Variants in RPAP3 observed in about 807,000 individuals in gnomAD.
RPAP3 encodes RNA polymerase II-associated protein 3.
In RPAP3, 58 loss-of-function variants were observed where a neutral mutation model predicts 88.8. That is an observed-to-expected ratio of 0.65 (90% CI 0.53 to 0.81). The LOEUF is 0.81. RPAP3 is among the 40% of genes least tolerant of loss of function. RPAP3 has a pLI of 0.00. For missense variants in RPAP3, 751 were observed against 764.3 expected (o/e 0.98, Z 0.20); for synonymous variants, 255 against 259.9 (o/e 0.98, Z 0.18).
At chr12:47,675,737 T>C (rs929701966) in intron 12 of RPAP3, among the ~76,000 whole-genome samples, 4 of 152,138 alleles carry the variant, frequency 2.6e-5, no homozygotes, top group Admixed American at 6.5e-5. Flanking sequence ...GCACTCAGAT[T>C]CATAAAGCAA....
At chr12:47,698,201 G>A (rs1939575449) in intron 3 of RPAP3, among the ~76,000 whole-genome samples, 1 of 152,112 alleles carries the variant, frequency 6.6e-6, no homozygotes, top group East Asian at 1.9e-4. Flanking sequence ...TATGAGGAAG[G>A]TATAATTACC....
chr12:47,679,756 AG>A lies in RPAP3; in HGVS notation c.1132del (p.Leu378PhefsTer10). The A allele has an allele frequency of 6.2e-7, 1 of 1,606,158 alleles. No homozygotes were observed. The highest frequency in any genetic ancestry group is 8.5e-7 in the Non-Finnish European group (1 of 1,175,710). On this transcript the variant is annotated frameshift_variant, in exon 11 of 17. Transcript: ENST00000005386. LOFTEE classifies it high-confidence loss of function. ...EAKQDFETVL[L>X]LEPGNKQAVT... Reference sequence around the variant, plus strand: ...TGCTTGCTTATTTCCAGGTTCCAGAAGTAAAACAGTTTCAAAATCTAAAGCG... The same window carrying A: ...TGCTTGCTTATTTCCAGGTTCCAGAATAAAACAGTTTCAAAATCTAAAGCG...
rs903714584 is a variant in RPAP3, at chr12:47,661,491, C to T, written c.*2014G>A. On this transcript the variant is annotated 3_prime_UTR_variant, in exon 17 of 17. Coordinates refer to ENST00000005386, the MANE Select transcript of RPAP3 (RefSeq NM_024604.3). ...TCAAAAACAAAGAATAGAAAAGTAA[C>T]TTGTCCAAGGCCCTAAAGCCAGATG... The T allele has an allele frequency of 1.1e-4, 17 of 152,206 alleles. No homozygotes were observed. The highest frequency in any genetic ancestry group is 9.2e-4 in the Admixed American group (14 of 15,268). 9.4% of individuals were successfully genotyped at this position (152,206 alleles called of 1,614,324 possible).
At chr12:47,681,413 G>T (rs189965011) in intron 10 of RPAP3, among the ~76,000 whole-genome samples, 95 of 152,106 alleles carry the variant, frequency 6.2e-4, no homozygotes, top group Non-Finnish European at 1.3e-3. Flanking sequence ...TCTTTTTATC[G>T]TTTTCCATTC....
intron 5 of RPAP3, among the ~76,000 whole-genome samples, chr12:47,692,070 T>C (rs1299533236): frequency 6.6e-6 from 1 of 152,198 alleles, no homozygotes; most frequent in Non-Finnish European, 1.5e-5. Flanking sequence ...AACCAGTTCA[T>C]AAATAGATGT....
At chr12:47,681,891 A>T in intron 9 of RPAP3, 74 bp from the exon 10 acceptor site, 2 of 1,392,220 alleles carry the variant, frequency 1.4e-6, no homozygotes, top group Non-Finnish European at 9.6e-7. Flanking sequence ...CTAAGTTTCT[A>T]ATTTAAAAAG....
At position 47,661,774 on chromosome 12, in the gene RPAP3, T is replaced by G. The variant is rs1938764640; in HGVS notation, c.*1731A>C. ...ACGTTCTGAACTGTTTTGGCCAATT[T>G]TTAGCTCTATAATCATGCAGAGAAC... On this transcript the variant is annotated 3_prime_UTR_variant, in exon 17 of 17. Coordinates refer to ENST00000005386, the MANE Select transcript of RPAP3 (RefSeq NM_024604.3). 1 of 152,196 alleles carries G rather than the reference T, an allele frequency of 6.6e-6. No individual in the cohort carries two copies. The highest frequency in any genetic ancestry group is 1.5e-5 in the Non-Finnish European group (1 of 68,030). The allele number at this position is 152,196 out of a possible 1,614,324, so 9.4% of individuals were successfully genotyped here.
chr12:47,689,116 A>C lies in RPAP3; in HGVS notation c.738+9T>G. ...CATAATACACTTAATTTAAATAACT[A>C]TAGTTTACCTGACTGATTTTCCTGA... On this transcript the variant is annotated intron_variant, in intron 7 of 16. Coordinates refer to ENST00000005386, the MANE Select transcript of RPAP3 (RefSeq NM_024604.3). 7.7e-7 allele frequency: 1 copy of C among 1,293,116 alleles called. No individual in the cohort carries two copies. Among genetic ancestry groups the C allele is most frequent in the Non-Finnish European group, 1.1e-6 (1 of 903,700 alleles). The allele number at this position is 1,293,116 out of a possible 1,614,324, so 80.1% of individuals were successfully genotyped here.
intron 9 of RPAP3, among the ~76,000 whole-genome samples, chr12:47,686,221 C>T (rs952562570): frequency 6.6e-6 from 1 of 152,188 alleles, no homozygotes; most frequent in African/African-American, 2.4e-5. Flanking sequence ...AACTTGGGCA[C>T]AACCAGAAAA....
At position 47,674,477 on chromosome 12, in the gene RPAP3, T is replaced by C. The variant is rs150264699; in HGVS notation, c.1288-4132A>G. Among the ~76,000 whole-genome samples, 1,370 of 152,156 alleles carry C rather than the reference T, an allele frequency of 9.0e-3. 17 individuals are homozygous for C. Among genetic ancestry groups the C allele is most frequent in the Admixed American group, 0.017 (262 of 15,260 alleles). ...AGCTAAAGGAGGATGTTCGAACTCA[T>C]CATAAGGAAACTAAAAACCTTGAAA... is the stretch of plus-strand genomic sequence containing the variant. On this transcript the variant is annotated intron_variant, in intron 12 of 16. Transcript: ENST00000005386.
intron 6 of RPAP3, among the ~76,000 whole-genome samples, chr12:47,689,403 A>T (rs999280800): frequency 6.6e-6 from 1 of 152,098 alleles, no homozygotes; most frequent in African/African-American, 2.4e-5. Flanking sequence ...GCAGTGGCGC[A>T]ATCTTGGCTC....
intron 1 of RPAP3, among the ~76,000 whole-genome samples, chr12:47,704,465 T>C (rs528040698): frequency 6.6e-6 from 1 of 151,978 alleles, no homozygotes; most frequent in East Asian, 1.9e-4. Context: ...ACCTCCTAGG[T>C]TCAAGTGATT....
intron 5 of RPAP3, among the ~76,000 whole-genome samples, chr12:47,695,611 T>C (rs529661370): frequency 6.6e-6 from 1 of 152,280 alleles, no homozygotes; most frequent in Admixed American, 6.5e-5. Flanking sequence ...ATATTGCAGA[T>C]ATCGAATATT....
At position 47,661,682 on chromosome 12, in the gene RPAP3, C is replaced by G. The variant is rs1361221794; in HGVS notation, c.*1823G>C. ...ACTTCTTCAGTTAACAGTCTCTACA[C>G]AGGTAACACAACATAAAAACTGCAG... On this transcript the variant is annotated 3_prime_UTR_variant, in exon 17 of 17. Transcript: ENST00000005386. 1 of 152,146 alleles carries G rather than the reference C, an allele frequency of 6.6e-6. No homozygotes were observed. Among genetic ancestry groups the G allele is most frequent in the Non-Finnish European group, 1.5e-5 (1 of 68,020 alleles). The allele number at this position is 152,146 out of a possible 1,614,324, so 9.4% of individuals were successfully genotyped here. A position where few individuals can be genotyped will look rare whatever the true frequency, so the allele number is the denominator to read the frequency against.
At chr12:47,705,912 T>G in intron 1 of RPAP3, 40 bp downstream of exon 1, 1 of 152,946 alleles carries the variant, frequency 6.5e-6, no homozygotes, top group Non-Finnish European at 1.4e-5. Context: ...AAGGATCTCC[T>G]ACGCTGCTCC....
chr12:47,695,507 C>T (rs1439433864), intron 5 of RPAP3, among the ~76,000 whole-genome samples: 1 of 151,996 alleles, frequency 6.6e-6, no homozygotes, highest in South Asian at 2.1e-4. Context: ...AAGGTAACTT[C>T]AAAAATAATG....
intron 14 of RPAP3, 84 bp downstream of exon 14, chr12:47,668,832 G>T (rs1938934916): frequency 2.0e-6 from 2 of 1,018,678 alleles, no homozygotes; most frequent in African/African-American, 1.6e-5. Context: ...CCTATAAAAA[G>T]CAAATACGGC....
chr12:47,692,189 A>G (rs1466953388), intron 5 of RPAP3, among the ~76,000 whole-genome samples: 4 of 152,206 alleles, frequency 2.6e-5, no homozygotes, highest in African/African-American at 9.6e-5. Context: ...TCTTCAACTT[A>G]AAGTCACCAG....
intron 13 of RPAP3, among the ~76,000 whole-genome samples, chr12:47,669,867 AT>A (rs1283832358): frequency 6.6e-6 from 1 of 152,190 alleles, no homozygotes; most frequent in African/African-American, 2.4e-5. Flanking sequence ...AACAAAATCA[AT>A]TTTCAAGATA....
Sources: gnomAD v4.1 joint callset for allele counts (sites outside exome capture counted in the v4.1 genomes callset) on GRCh38, gnomAD v4.1.1 for gene constraint, MANE v1.5 for transcripts, NCBI Gene and HGNC (gene_info 2026-07-23, HGNC 2026-07-21) for gene names.